NRP2: variants seen among roughly 807,000 people sequenced by gnomAD.
The protein encoded by NRP2 is neuropilin 2, also known as neuropilin-2.
In NRP2, 52 loss-of-function variants were observed where a neutral mutation model predicts 110.4. The observed-to-expected ratio is 0.47, with a 90% confidence interval of 0.38 to 0.59. The LOEUF (loss-of-function observed/expected upper bound fraction) is 0.59. Ranked by LOEUF, NRP2 falls within the 20% of genes least tolerant of loss-of-function variation. The pLI is 0.00. For missense variants in NRP2, 1,049 were observed against 1,203.0 expected, an observed-to-expected ratio of 0.87 and a Z score of 1.89; for synonymous variants, 508 against 468.9, an observed-to-expected ratio of 1.08 and a Z score of -1.08.
intron 14 of NRP2, among the ~76,000 whole-genome samples, chr2:205,766,248 A>G (rs1054357600): frequency 2.0e-5 from 3 of 152,162 alleles, no homozygotes; most frequent in Non-Finnish European, 4.4e-5. Flanking sequence ...AGATGAGGTC[A>G]CCCTGGCTGT....
intron 1 of NRP2, among the ~76,000 whole-genome samples, chr2:205,695,724 C>G (rs1278449686): frequency 6.6e-6 from 1 of 152,164 alleles, no homozygotes; most frequent in Non-Finnish European, 1.5e-5. Flanking sequence ...AGCTGGTGAT[C>G]TATGTCCTCA....
At chr2:205,779,347 T>C (rs1303406364) in intron 15 of NRP2, 2 of 152,220 alleles carry the variant, frequency 1.3e-5, no homozygotes, top group African/African-American at 2.4e-5. Context: ...AGCATTGTCA[T>C]TGACAAAACT....
At chr2:205,690,849 T>C (rs574443972) in intron 1 of NRP2, among the ~76,000 whole-genome samples, 54 of 152,274 alleles carry the variant, frequency 3.5e-4, no homozygotes, top group African/African-American at 1.3e-3. Flanking sequence ...TGCTTTAGGG[T>C]GTTCTAGGAG....
intron 2 of NRP2, among the ~76,000 whole-genome samples, chr2:205,702,630 T>G (rs903942425): frequency 6.6e-6 from 1 of 152,198 alleles, no homozygotes; most frequent in African/African-American, 2.4e-5. Context: ...TCTCCCAAAG[T>G]AAGAGATGAT....
At chr2:205,743,141 G>A (rs1408483287) in intron 8 of NRP2, 62 bp from the exon 9 acceptor site, 23 of 1,600,806 alleles carry the variant, frequency 1.4e-5, no homozygotes, top group East Asian at 6.7e-5. Flanking sequence ...TTCTTATAGC[G>A]GGTGGTCCCT....
Position 205,770,169 on chromosome 2 carries a change from C to T in NRP2, c.2425+3366C>T, listed in dbSNP as rs374465658. 1.1e-4 allele frequency among the ~76,000 whole-genome samples: 16 copies of T among 152,242 alleles called. No individual in the cohort carries two copies. In the South Asian group the frequency reaches 1.7e-3, roughly 16 times the overall value. Reference sequence around the variant, plus strand: ...GGAAGGATTCAGAATGACTGTCCTACGCTAGTGGATGCTAAAAGGAACATC... The same window carrying T: ...GGAAGGATTCAGAATGACTGTCCTATGCTAGTGGATGCTAAAAGGAACATC... On this transcript the variant is annotated intron_variant, in intron 15 of 16. Transcript: ENST00000357785.
chr2:205,776,027 T>C, intron 15 of NRP2: 1 of 704,200 alleles, frequency 1.4e-6, no homozygotes, highest in Non-Finnish European at 2.6e-6. Context: ...ATCTGTAAAA[T>C]GGGTCTGACA....
chr2:205,780,459 T>C (rs1021603394), intron 15 of NRP2, among the ~76,000 whole-genome samples: 23 of 152,174 alleles, frequency 1.5e-4, no homozygotes, highest in Non-Finnish European at 2.9e-4. Context: ...ATAAAATATT[T>C]CTATCAGAAG....
At chr2:205,711,822 G>A (rs1482714403) in intron 2 of NRP2, among the ~76,000 whole-genome samples, 2 of 152,256 alleles carry the variant, frequency 1.3e-5, no homozygotes, top group South Asian at 2.1e-4. Flanking sequence ...CAGACATTTC[G>A]GTGCCCTGAG....
intron 2 of NRP2, among the ~76,000 whole-genome samples, chr2:205,705,506 C>T: frequency 6.6e-6 from 1 of 152,316 alleles, no homozygotes; most frequent in South Asian, 2.1e-4. Flanking sequence ...AGCCAAGCAT[C>T]TTGGCAGTCT....
chr2:205,762,540 C>G (rs1270731578), intron 12 of NRP2: 1 of 152,234 alleles, frequency 6.6e-6, no homozygotes, highest in Non-Finnish European at 1.5e-5. Flanking sequence ...GTGCATCTGT[C>G]CCAGGTTAAC....
intron 15 of NRP2, among the ~76,000 whole-genome samples, chr2:205,768,710 G>C (rs1486828124): frequency 6.6e-6 from 1 of 152,194 alleles, no homozygotes; most frequent in African/African-American, 2.4e-5. Context: ...AGAATTTCCA[G>C]GGTGCTCCTG....
chr2:205,696,542 G>A (rs2056430668), intron 1 of NRP2, among the ~76,000 whole-genome samples: 1 of 152,178 alleles, frequency 6.6e-6, no homozygotes, highest in African/African-American at 2.4e-5. Flanking sequence ...TCCCTGCTGG[G>A]GATTGCAGAA....
chr2:205,695,872 G>A (rs1184309131), intron 1 of NRP2, among the ~76,000 whole-genome samples: 1 of 152,070 alleles, frequency 6.6e-6, no homozygotes, highest in African/African-American at 2.4e-5. Context: ...AAGCCTATGG[G>A]TATTGGCTGC....
intron 7 of NRP2, among the ~76,000 whole-genome samples, chr2:205,730,285 G>T (rs2057211355): frequency 6.6e-6 from 1 of 152,134 alleles, no homozygotes; most frequent in Non-Finnish European, 1.5e-5. Context: ...TGGGCTGTTG[G>T]GGTTGAAGTA....
rs1370557791 is a variant in NRP2 at position 205,796,505 on chromosome 2, GA to G, written c.*1452del. 6.6e-6 allele frequency: 1 copy of G among 152,494 alleles called. No homozygotes were observed. Among genetic ancestry groups the G allele is most frequent in the Non-Finnish European group, 1.5e-5 (1 of 68,018 alleles). 9.4% of individuals were successfully genotyped at this position (152,494 alleles called of 1,614,324 possible). A position where few individuals can be genotyped will look rare whatever the true frequency, so the allele number is the denominator to read the frequency against. ...TTATTAAGTGCCTTGAAAAAATGAA[GA>G]AAAATGTATTTTCCCTTTATGTAAA... On this transcript the variant is annotated 3_prime_UTR_variant, in exon 17 of 17. Transcript: ENST00000357785.
chr2:205,789,952 C>A (rs1415227558), intron 15 of NRP2, among the ~76,000 whole-genome samples: 2 of 152,180 alleles, frequency 1.3e-5, no homozygotes, highest in Non-Finnish European at 2.9e-5. Context: ...GTTTTTTGTA[C>A]AAATGTTCCC....
In NRP2 at chr2:205,794,891, G is replaced by C. The variant is rs755038975; in HGVS notation, c.2614G>C (p.Val872Leu). 6.2e-7 allele frequency: 1 copy of C among 1,614,164 alleles called. No individual in the cohort carries two copies. Among genetic ancestry groups the C allele is most frequent in the South Asian group, 1.1e-5 (1 of 91,084 alleles). ...CATCATCGCCATGAGCTCACTGGGC[G>C]TCCTCCTGGGGGCCACCTGTGCAGG... ...ITIIAMSSLGVLLGATCAGLL... is the reference protein window; with the variant it reads ...ITIIAMSSLGLLLGATCAGLL... Residue 872 changes from valine (V) to leucine (L), a missense_variant, in exon 17 of 17, where the codon GTC becomes CTC. By Grantham distance (32) the Val-to-Leu change is conservative. Transcript: ENST00000357785.
intron 2 of NRP2, among the ~76,000 whole-genome samples, chr2:205,705,444 G>A (rs531120964): frequency 1.6e-4 from 24 of 152,226 alleles, no homozygotes; most frequent in Non-Finnish European, 3.2e-4. Flanking sequence ...GCTTAGGTTT[G>A]GGAGGGCAGC....
Sources: allele counts gnomAD v4.1 joint callset (sites outside exome capture counted in the v4.1 genomes callset), GRCh38; gene constraint gnomAD v4.1.1; transcripts MANE v1.5; gene names NCBI Gene and HGNC (gene_info 2026-07-23, HGNC 2026-07-21).